The following SCARB1 variants were observed in gnomAD, a reference collection of about 807,000 sequenced individuals.
SCARB1 encodes scavenger receptor class B member 1, also known as CD36 and LIMPII analogous 1.
In SCARB1, 30 loss-of-function variants were observed where a neutral mutation model predicts 57.2. That is an observed-to-expected ratio of 0.52 (90% CI 0.39 to 0.71). SCARB1 has a LOEUF of 0.71. Ranked by LOEUF, SCARB1 falls within the 30% of genes least tolerant of loss-of-function variation. SCARB1 has a pLI of 0.00. For synonymous variants in SCARB1, 249 were observed against 268.3 expected, an observed-to-expected ratio of 0.93 and a Z score of 0.70; for missense variants, 543 against 671.2, an observed-to-expected ratio of 0.81 and a Z score of 2.11.
intron 7 of SCARB1, among the ~76,000 whole-genome samples, chr12:124,802,374 A>C (rs1407475313): frequency 6.6e-6 from 1 of 152,152 alleles, no homozygotes; most frequent in African/African-American, 2.4e-5. Context: ...GGAAAAGAGC[A>C]TGGACCCAGA....
chr12:124,782,606 C>T, intron 12 of SCARB1, 77 bp downstream of exon 12: 1 of 1,448,366 alleles, frequency 6.9e-7, no homozygotes, highest in Admixed American at 1.8e-5. Flanking sequence ...GAGCAGGACC[C>T]CAAATGTTTT....
chr12:124,794,520 C>T (rs1375678777), intron 9 of SCARB1, among the ~76,000 whole-genome samples: 2 of 151,290 alleles, frequency 1.3e-5, no homozygotes, highest in African/African-American at 2.4e-5. Context: ...CCTGCCTCAG[C>T]GTTTCCATTT....
At chr12:124,790,006 T>G (rs1949665867) in intron 9 of SCARB1, among the ~76,000 whole-genome samples, 1 of 104,286 alleles carries the variant, frequency 9.6e-6, no homozygotes, top group African/African-American at 7.0e-5. Context: ...TGAGACTCCG[T>G]CTCAAAAAAA....
chr12:124,793,895 G>C (rs550067263), intron 9 of SCARB1, among the ~76,000 whole-genome samples: 9 of 152,248 alleles, frequency 5.9e-5, no homozygotes, highest in Middle Eastern at 6.8e-3. Context: ...AACGGCCCAG[G>C]CGTGGAAACA....
chr12:124,786,185 G>C (rs761984282), intron 11 of SCARB1, 172 bp downstream of exon 11: 1 of 1,586,548 alleles, frequency 6.3e-7, no homozygotes, highest in Non-Finnish European at 8.5e-7. Flanking sequence ...AAAGACGCAA[G>C]CGTGCTGCGC....
intron 1 of SCARB1, 124 bp downstream of exon 1, chr12:124,863,471 G>A (rs966734687): frequency 4.9e-6 from 5 of 1,010,430 alleles, no homozygotes; most frequent in Non-Finnish European, 7.1e-6. Context: ...GTGCTCTGCG[G>A]CGCCAGGCCC....
intron 12 of SCARB1, among the ~76,000 whole-genome samples, chr12:124,781,067 T>A (rs556993620): frequency 6.6e-6 from 1 of 152,134 alleles, no homozygotes; most frequent in South Asian, 2.1e-4. Context: ...CCAGGGAGGA[T>A]CCTCTCCTAA....
chr12:124,782,155 T>G (rs1315865127), intron 12 of SCARB1, among the ~76,000 whole-genome samples: 1 of 152,182 alleles, frequency 6.6e-6, no homozygotes, highest in Non-Finnish European at 1.5e-5. Flanking sequence ...ATGATCCACC[T>G]GCTTCGGCCT....
intron 1 of SCARB1, among the ~76,000 whole-genome samples, chr12:124,849,576 C>T (rs1336694529): frequency 1.3e-5 from 2 of 152,224 alleles, no homozygotes; most frequent in African/African-American, 4.8e-5. Context: ...CCCGGGCCCT[C>T]CTGGCCTCCA....
chr12:124,815,828 C>T (rs574800970), intron 2 of SCARB1, among the ~76,000 whole-genome samples: 13 of 152,140 alleles, frequency 8.5e-5, no homozygotes, highest in Admixed American at 4.6e-4. Flanking sequence ...ATCGCGCCAC[C>T]GCACTCCAAC....
chr12:124,841,886 T>C (rs1428686376), intron 1 of SCARB1, among the ~76,000 whole-genome samples: 2 of 152,184 alleles, frequency 1.3e-5, no homozygotes, highest in East Asian at 3.8e-4. Flanking sequence ...CCATCCCTCC[T>C]GCTAAAGCGT....
chr12:124,794,245 G>A (rs844427), intron 9 of SCARB1, among the ~76,000 whole-genome samples: 13,892 of 152,012 alleles, frequency 0.091, 1,460 homozygotes, highest in East Asian at 0.42. Flanking sequence ...TGAATATACT[G>A]CAAATCACTG....
At chr12:124,783,230 A>G in intron 11 of SCARB1, 1 of 228,930 alleles carries the variant, frequency 4.4e-6, no homozygotes. Context: ...TGCTTTTTTT[A>G]ATTTTTGAGA....
chr12:124,851,436 C>CTT (rs146381443), intron 1 of SCARB1, among the ~76,000 whole-genome samples: 25 of 150,904 alleles, frequency 1.7e-4, no homozygotes, highest in South Asian at 4.2e-4. Context: ...TGCTGTTTTC[C>CTT]TTTTTTTTTC....
intron 1 of SCARB1, among the ~76,000 whole-genome samples, chr12:124,837,539 A>G (rs1019342871): frequency 0.066 from 705 of 10,702 alleles, 47 homozygotes; most frequent in East Asian, 0.51. Flanking sequence ...AAAAAGAAAG[A>G]AAAGAAAAGA....
intron 5 of SCARB1, among the ~76,000 whole-genome samples, chr12:124,811,601 C>T (rs1950529194): frequency 6.6e-6 from 1 of 152,082 alleles, no homozygotes; most frequent in Non-Finnish European, 1.5e-5. Flanking sequence ...AGTAAAGAAT[C>T]GAAAGGAAGA....
chr12:124,816,742 G>A (rs1950733370), intron 2 of SCARB1, among the ~76,000 whole-genome samples: 3 of 152,114 alleles, frequency 2.0e-5, no homozygotes, highest in Admixed American at 2.0e-4. Context: ...ACATCCGCCA[G>A]CCGTCTCAGA....
At position 124,807,857 on chromosome 12, in the gene SCARB1, T is replaced by C. The variant is rs950163345; in HGVS notation, c.913A>G (p.Lys305Glu). 3.1e-6 allele frequency: 5 copies of C among 1,613,994 alleles called. No homozygotes were observed. The African/African-American group carries it at 6.7e-5, about 22-fold the overall frequency. ...GIPTYRFVAP[K>E]TLFANGSIYP... ...ATGGACCCGTTGGCAAACAGGGTTT[T>C]GGGAGCCACGAAGCGATAGGTGGGG... is the stretch of plus-strand genomic sequence containing the variant. The change falls in exon 7 of 13, where the codon AAA becomes GAA. Residue 305 changes from lysine to glutamate, a missense_variant. Coordinates refer to ENST00000261693, the MANE Select transcript of SCARB1 (RefSeq NM_005505.5). The surrounding 1 kb of genome is among the most constrained non-coding windows in gnomAD (Gnocchi z 5.3).
chr12:124,842,874 C>T (rs575077821), intron 1 of SCARB1, among the ~76,000 whole-genome samples: 10 of 152,236 alleles, frequency 6.6e-5, no homozygotes, highest in Non-Finnish European at 1.3e-4. Flanking sequence ...CAAGAGATGC[C>T]AAGATCCACC....
Sources: gnomAD v4.1 joint callset for allele counts (sites outside exome capture counted in the v4.1 genomes callset) on GRCh38, gnomAD v4.1.1 for gene constraint, Gnocchi (gnomAD v3.1) non-coding constraint, MANE v1.5 for transcripts, NCBI Gene and HGNC (gene_info 2026-07-23, HGNC 2026-07-21) for gene names.